Variants in ZNF827 observed in about 807,000 individuals in gnomAD.
ZNF827 encodes zinc finger protein 827.
In ZNF827, 13 loss-of-function variants were observed where a neutral mutation model predicts 102.4. The observed-to-expected ratio is 0.13, with a 90% confidence interval of 0.08 to 0.20. The LOEUF (loss-of-function observed/expected upper bound fraction) is 0.20, where lower values mean the gene tolerates loss of function less well. ZNF827 is among the 10% of genes least tolerant of loss of function. The pLI is 1.00. For synonymous variants in ZNF827, 523 were observed against 536.2 expected, an observed-to-expected ratio of 0.98 and a Z score of 0.34; for missense variants, 1,103 against 1,344.4, an observed-to-expected ratio of 0.82 and a Z score of 2.81.
At chr4:145,824,141 T>G (rs1204955589) in intron 7 of ZNF827, among the ~76,000 whole-genome samples, 1 of 152,164 alleles carries the variant, frequency 6.6e-6, no homozygotes, top group Admixed American at 6.5e-5. Flanking sequence ...AGAGAGGCCC[T>G]GACCTGAGTG....
intron 5 of ZNF827, among the ~76,000 whole-genome samples, chr4:145,865,468 T>G (rs575172747): frequency 6.6e-6 from 1 of 152,282 alleles, no homozygotes; most frequent in East Asian, 1.9e-4. Context: ...GGAGGGCTTG[T>G]GAAAACACAG....
At chr4:145,859,156 C>A (rs80262571) in intron 5 of ZNF827, among the ~76,000 whole-genome samples, 1 of 152,064 alleles carries the variant, frequency 6.6e-6, no homozygotes, top group Non-Finnish European at 1.5e-5. Flanking sequence ...GACCAGAACC[C>A]AGGCAATACC....
At chr4:145,810,903 A>G (rs559474683) in intron 8 of ZNF827, among the ~76,000 whole-genome samples, 1 of 152,170 alleles carries the variant, frequency 6.6e-6, no homozygotes, top group South Asian at 2.1e-4. Flanking sequence ...GTCTATTTGT[A>G]GATTAAATTC....
At chr4:145,932,743 G>C (rs534127625) in intron 1 of ZNF827, among the ~76,000 whole-genome samples, 6 of 152,116 alleles carry the variant, frequency 3.9e-5, no homozygotes, top group Non-Finnish European at 5.9e-5. Context: ...CAAAGTGTTG[G>C]GATTACAGGC....
chr4:145,857,054 T>C (rs1374237128), intron 5 of ZNF827, among the ~76,000 whole-genome samples: 2 of 152,216 alleles, frequency 1.3e-5, no homozygotes, highest in South Asian at 2.1e-4. Context: ...TCAGAATTGA[T>C]TTCTTGAATT....
At chr4:145,866,834 T>A (rs1748250251) in intron 5 of ZNF827, among the ~76,000 whole-genome samples, 3 of 152,230 alleles carry the variant, frequency 2.0e-5, no homozygotes, top group African/African-American at 7.2e-5. Context: ...TGCATCTAGC[T>A]ACTTCTCTTA....
At chr4:145,887,847 G>T (rs1194845542) in intron 3 of ZNF827, among the ~76,000 whole-genome samples, 1 of 152,216 alleles carries the variant, frequency 6.6e-6, no homozygotes, top group Non-Finnish European at 1.5e-5. Flanking sequence ...CTGGAACCAG[G>T]TGATAAAGGT....
intron 6 of ZNF827, among the ~76,000 whole-genome samples, chr4:145,848,588 TCTTATATATGTATATA>T (rs1177287420): frequency 1.3e-5 from 2 of 152,184 alleles, no homozygotes; most frequent in African/African-American, 4.8e-5. Flanking sequence ...TCTATCCGAA[TCTTATATATGTATATA>T]CCATCAACCT....
intron 7 of ZNF827, among the ~76,000 whole-genome samples, chr4:145,829,710 G>A (rs1018390009): frequency 1.3e-5 from 2 of 152,160 alleles, no homozygotes; most frequent in East Asian, 1.9e-4. Flanking sequence ...ACCACTACCT[G>A]CTCCCCAGCA....
intron 8 of ZNF827, among the ~76,000 whole-genome samples, chr4:145,819,284 C>T (rs1431062105): frequency 6.6e-6 from 1 of 152,180 alleles, no homozygotes; most frequent in Non-Finnish European, 1.5e-5. Flanking sequence ...CCTTCACACC[C>T]GCCCTGGTTG....
chr4:145,878,847 G>C (rs181773292), intron 4 of ZNF827, among the ~76,000 whole-genome samples: 11 of 152,144 alleles, frequency 7.2e-5, no homozygotes, highest in Admixed American at 7.2e-4. Flanking sequence ...TGGAAGAAAA[G>C]TCCATCAGAA....
At chr4:145,903,298 T>C in intron 1 of ZNF827, 83 bp from the exon 2 acceptor site, 1 of 1,493,100 alleles carries the variant, frequency 6.7e-7, no homozygotes, top group Non-Finnish European at 8.9e-7. Flanking sequence ...GGTGATGACA[T>C]GCTTTCTCTT....
At chr4:145,823,907 A>G (rs911456001) in intron 7 of ZNF827, among the ~76,000 whole-genome samples, 6 of 152,190 alleles carry the variant, frequency 3.9e-5, no homozygotes, top group Admixed American at 1.3e-4. Context: ...TAGAGATGGA[A>G]TTGCCCTGGC....
rs1751472522 is a variant in ZNF827, at chr4:145,902,223, G to A, written c.1036C>T (p.Leu346=). 2.5e-6 allele frequency: 4 copies of A among 1,607,630 alleles called. No homozygotes were observed. The highest frequency in any genetic ancestry group is 1.3e-5 in the African/African-American group (1 of 74,538). The change falls in exon 2 of 15, where the codon CTG becomes TTG. Residue 346 remains leucine (L), a synonymous_variant. Transcript: ENST00000508784. The surrounding 1 kb of genome is among the most constrained non-coding windows in gnomAD (Gnocchi z 4.3). ...PPPPPPPPQS[L]ELLLLPVPKG... is the part of the protein sequence containing the mutation. Reference sequence around the variant, plus strand: ...GGAACTGGGAGTAATAATAATTCCAGGGATTGTGGTGGTGGTGGTGGAGGT... The same window carrying A: ...GGAACTGGGAGTAATAATAATTCCAAGGATTGTGGTGGTGGTGGTGGAGGT...
chr4:145,925,962 T>TCTAACTTCTATCCTA (rs1410054332), intron 1 of ZNF827, among the ~76,000 whole-genome samples: 3 of 152,208 alleles, frequency 2.0e-5, no homozygotes, highest in Non-Finnish European at 4.4e-5. Flanking sequence ...GTATATTCCT[T>TCTAACTTCTATCCTA]CTAACTTCTA....
At chr4:145,788,181 T>C (rs1173016379) in intron 8 of ZNF827, among the ~76,000 whole-genome samples, 1 of 152,210 alleles carries the variant, frequency 6.6e-6, no homozygotes, top group Non-Finnish European at 1.5e-5. Context: ...TGCTTAGTGC[T>C]AGGTAACAGC....
At chr4:145,810,938 C>T (rs1741945203) in intron 8 of ZNF827, among the ~76,000 whole-genome samples, 1 of 151,770 alleles carries the variant, frequency 6.6e-6, no homozygotes, top group South Asian at 2.1e-4. Flanking sequence ...TGACGTCCAG[C>T]TCACAAACTA....
At chr4:145,773,301 C>T (rs147166924) in intron 11 of ZNF827, among the ~76,000 whole-genome samples, 19 of 152,294 alleles carry the variant, frequency 1.2e-4, no homozygotes, top group African/African-American at 2.9e-4. Context: ...CTTGGCATAA[C>T]GGCTCTCTGC....
chr4:145,793,381 A>G (rs1485625588), intron 8 of ZNF827, among the ~76,000 whole-genome samples: 2 of 14,190 alleles, frequency 1.4e-4, no homozygotes. Context: ...CACTATCATA[A>G]GGTCCACAAT....
Sources: allele counts gnomAD v4.1 joint callset (sites outside exome capture counted in the v4.1 genomes callset), GRCh38; gene constraint gnomAD v4.1.1; non-coding constraint Gnocchi (gnomAD v3.1); transcripts MANE v1.5; gene names NCBI Gene and HGNC (gene_info 2026-07-23, HGNC 2026-07-21).